FGF12: variants seen among roughly 807,000 people sequenced by gnomAD.
The protein encoded by FGF12 is fibroblast growth factor 12B.
A neutral mutation model predicts 23.6 loss-of-function variants in FGF12; 14 were observed. That is an observed-to-expected ratio of 0.59 (90% CI 0.39 to 0.93). FGF12 has a LOEUF of 0.93. Ranked by LOEUF, FGF12 falls within the 40% of genes least tolerant of loss-of-function variation. The pLI is 0.00. For synonymous variants in FGF12, 62 were observed against 77.3 expected (o/e 0.80, Z 1.04); for missense variants, 175 against 217.8 (o/e 0.80, Z 1.24).
Position 192,143,233 on chromosome 3 carries a change from A to G in FGF12, c.*776T>C, listed in dbSNP as rs1334257758. The G allele has an allele frequency of 1.3e-5, 2 of 151,580 alleles. No homozygotes were observed. The highest frequency in any genetic ancestry group is 3.9e-4 in the East Asian group (2 of 5,188). 9.4% of individuals were successfully genotyped at this position (151,580 alleles called of 1,614,324 possible). On this transcript the variant is annotated 3_prime_UTR_variant, in exon 6 of 6. Transcript: ENST00000445105. ...TTTGCTAAATTACTAAAAAAAAAAA[A>G]AAAAGAAAGAAAGAAGAACTCCGGA...
intron 3 of FGF12, among the ~76,000 whole-genome samples, chr3:192,340,358 C>G (rs567506631): frequency 6.6e-6 from 1 of 152,184 alleles, no homozygotes; most frequent in East Asian, 1.9e-4. Context: ...CACATCAAAA[C>G]TACACTTGTA....
chr3:192,449,326 TTG>T (rs1722453481), intron 2 of FGF12, among the ~76,000 whole-genome samples: 3 of 152,262 alleles, frequency 2.0e-5, no homozygotes, highest in Admixed American at 2.0e-4. Flanking sequence ...AGCAGCTAAT[TTG>T]TGAGGGGAAT....
At chr3:192,555,683 A>C (rs917436124) in intron 2 of FGF12, among the ~76,000 whole-genome samples, 2 of 148,366 alleles carry the variant, frequency 1.3e-5, no homozygotes, top group African/African-American at 2.5e-5. Flanking sequence ...CTGTAATCCC[A>C]GCTAATCGGG....
At chr3:192,472,612 G>A (rs145282068) in intron 2 of FGF12, among the ~76,000 whole-genome samples, 1 of 152,176 alleles carries the variant, frequency 6.6e-6, no homozygotes. Context: ...AGGCTAATAA[G>A]CTAAAACTCA....
At chr3:192,370,951 G>A (rs1044551584) in intron 2 of FGF12, among the ~76,000 whole-genome samples, 1 of 152,220 alleles carries the variant, frequency 6.6e-6, no homozygotes, top group African/African-American at 2.4e-5. Flanking sequence ...GGTGAAGAAA[G>A]CTTAACGCAG....
intron 2 of FGF12, among the ~76,000 whole-genome samples, chr3:192,625,584 T>G (rs2108651268): frequency 6.6e-6 from 1 of 152,246 alleles, no homozygotes; most frequent in South Asian, 2.1e-4. Context: ...CTAATGCTTT[T>G]CAGAAAGCAA....
intron 4 of FGF12, among the ~76,000 whole-genome samples, chr3:192,331,022 A>G (rs970772991): frequency 1.3e-5 from 2 of 152,142 alleles, no homozygotes; most frequent in Non-Finnish European, 2.9e-5. Context: ...ACAACAACAC[A>G]AAACAACTCA....
chr3:192,677,337 T>G (rs1368808403), intron 2 of FGF12, among the ~76,000 whole-genome samples: 1 of 152,158 alleles, frequency 6.6e-6, no homozygotes, highest in Non-Finnish European at 1.5e-5. Context: ...CCCCTATTCC[T>G]GATCTCACCT....
intron 2 of FGF12, among the ~76,000 whole-genome samples, chr3:192,470,796 A>G (rs376864200): frequency 1.3e-5 from 2 of 152,100 alleles, no homozygotes; most frequent in South Asian, 2.1e-4. Context: ...TTCATTCTCC[A>G]TGTTCATTTT....
intron 2 of FGF12, among the ~76,000 whole-genome samples, chr3:192,484,783 CAAT>C (rs1408314470): frequency 2.0e-5 from 3 of 152,172 alleles, no homozygotes; most frequent in African/African-American, 7.2e-5. Flanking sequence ...TCTTGAAACA[CAAT>C]TCCAGAAAGC....
At chr3:192,382,155 C>G (rs1035350331) in intron 2 of FGF12, among the ~76,000 whole-genome samples, 1 of 152,094 alleles carries the variant, frequency 6.6e-6, no homozygotes, top group Non-Finnish European at 1.5e-5. Flanking sequence ...TGCCAACACG[C>G]CCAGCTAATT....
chr3:192,536,898 T>C (rs1440026862), intron 2 of FGF12, among the ~76,000 whole-genome samples: 1 of 152,172 alleles, frequency 6.6e-6, no homozygotes, highest in African/African-American at 2.4e-5. Context: ...CTAGATCTTA[T>C]TCATTCTTTC....
At chr3:192,249,720 C>G (rs1390380651) in intron 4 of FGF12, among the ~76,000 whole-genome samples, 1 of 152,130 alleles carries the variant, frequency 6.6e-6, no homozygotes, top group Non-Finnish European at 1.5e-5. Context: ...GAACAAACCC[C>G]TCTCTTCCTC....
intron 2 of FGF12, among the ~76,000 whole-genome samples, chr3:192,454,014 T>A: frequency 6.6e-6 from 1 of 152,112 alleles, no homozygotes; most frequent in South Asian, 2.1e-4. Context: ...AAGTTAAAGA[T>A]GTATATCTAC....
In FGF12 at chr3:192,147,997, C is replaced by A. The variant is rs1713819826; in HGVS notation, c.428-3870G>T. 3.9e-5 allele frequency among the ~76,000 whole-genome samples: 6 copies of A among 152,006 alleles called. No individual in the cohort carries two copies. In the South Asian group the frequency reaches 1.2e-3, roughly 31 times the overall value. ...GTGAGTATGTGGAGAAATTGAAACC[C>A]TATTCATTTCTACTTAAATGTAAAA... On this transcript the variant is annotated intron_variant, in intron 5 of 5. Coordinates refer to ENST00000445105, the MANE Select transcript of FGF12 (RefSeq NM_004113.6).
rs906488256 is a variant in FGF12, at chr3:192,669,161, G to A, written c.13+58020C>T. Reference sequence around the variant, plus strand: ...ATCGTATATGTTAGAGTAGAATATTGTATTAGTGAAATGGAAGTTAAAAGA... The same window carrying A: ...ATCGTATATGTTAGAGTAGAATATTATATTAGTGAAATGGAAGTTAAAAGA... On this transcript the variant is annotated intron_variant, in intron 2 of 5. Transcript: ENST00000445105. 1.5e-4 allele frequency among the ~76,000 whole-genome samples: 23 copies of A among 152,160 alleles called. 1 individual carries two copies. Among genetic ancestry groups the A allele is most frequent in the African/African-American group, 5.6e-4 (23 of 41,426 alleles).
chr3:192,484,440 G>A (rs918861239), intron 2 of FGF12, among the ~76,000 whole-genome samples: 9 of 151,882 alleles, frequency 5.9e-5, no homozygotes, highest in African/African-American at 2.2e-4. Flanking sequence ...GATAAAATAT[G>A]CTGATTACAG....
chr3:192,164,743 T>G (rs1715065202), intron 5 of FGF12, among the ~76,000 whole-genome samples: 1 of 152,176 alleles, frequency 6.6e-6, no homozygotes, highest in Non-Finnish European at 1.5e-5. Context: ...GTTAGGATGT[T>G]AACAGTATTA....
At chr3:192,665,745 T>A (rs1437383189) in intron 2 of FGF12, among the ~76,000 whole-genome samples, 1 of 151,852 alleles carries the variant, frequency 6.6e-6, no homozygotes, top group East Asian at 1.9e-4. Context: ...ATAACAAACC[T>A]GCATGTTCTG....
Sources: allele counts gnomAD v4.1 joint callset (sites outside exome capture counted in the v4.1 genomes callset), GRCh38; gene constraint gnomAD v4.1.1; transcripts MANE v1.5; gene names NCBI Gene and HGNC (gene_info 2026-07-23, HGNC 2026-07-21).